Variants in CLDN15 observed in about 807,000 individuals in gnomAD.
CLDN15 encodes claudin 15.
In CLDN15, 9 loss-of-function variants were observed where a neutral mutation model predicts 24.5. The observed-to-expected ratio is 0.37, with a 90% CI of 0.22 to 0.64. The LOEUF (loss-of-function observed/expected upper bound fraction) is 0.64. Ranked by LOEUF, CLDN15 falls within the 30% of genes least tolerant of loss-of-function variation. The probability of loss-of-function intolerance (pLI) is 0.63; values close to 1 mark genes in which losing one functional copy is unlikely to be tolerated. For missense variants in CLDN15, 248 were observed against 305.9 expected, an observed-to-expected ratio of 0.81 and a Z score of 1.41; for synonymous variants, 149 against 131.4, an observed-to-expected ratio of 1.13 and a Z score of -0.92.
Position 101,237,465 on chromosome 7 carries a change from G to A in CLDN15, c.117C>T (p.Ile39=). 4 of 1,614,050 alleles carry A rather than the reference G, an allele frequency of 2.5e-6. No homozygotes were observed. The highest frequency in any genetic ancestry group is 3.4e-6 in the Non-Finnish European group (4 of 1,179,894). The part of the protein sequence containing the change: ...WRVSTVHGNV[I]TTNTIFENLW... ...GGTTCTCGAAGATGGTGTTGGTGGT[G>A]ATGACGTTCCCGTGCACAGTGGACA... Residue 39 remains isoleucine (I), a synonymous_variant, in exon 1 of 5, where the codon ATC becomes ATT. Coordinates refer to ENST00000308344, the MANE Select transcript of CLDN15 (RefSeq NM_014343.3). The surrounding 1 kb of genome is among the most constrained non-coding windows in gnomAD (Gnocchi z 4.0).
chr7:101,232,854 T>A lies in CLDN15; in HGVS notation c.443A>T (p.Asp148Val). The A allele has an allele frequency of 6.2e-7, 1 of 1,611,508 alleles. No homozygotes were observed. The highest frequency in any genetic ancestry group is 8.5e-7 in the Non-Finnish European group (1 of 1,179,350). Reference sequence around the variant, plus strand: ...TCACTTGGTTCCGGGGTACAAGGGGTCGAAGAAGTCCCGGGTGATGTTGAA... The same window carrying A: ...TCACTTGGTTCCGGGGTACAAGGGGACGAAGAAGTCCCGGGTGATGTTGAA... ...YAFNITRDFF[D>V]PLYPGTKYEL... Residue 148 changes from aspartate (D) to valine (V), a missense_variant, in exon 3 of 5, where the codon GAC becomes GTC. Physicochemically the swap from Asp to Val is radical, Grantham distance 152 (BLOSUM62 -3). Coordinates refer to ENST00000308344, the MANE Select transcript of CLDN15 (RefSeq NM_014343.3).
chr7:101,232,104 A>C lies in CLDN15; in HGVS notation c.*306T>G. 3 of 255,826 alleles carry C rather than the reference A, an allele frequency of 1.2e-5. No individual in the cohort carries two copies. Among genetic ancestry groups the C allele is most frequent in the East Asian group, 9.4e-5 (1 of 10,658 alleles). 15.8% of individuals were successfully genotyped at this position (255,826 alleles called of 1,614,324 possible). On this transcript the variant is annotated 3_prime_UTR_variant, in exon 5 of 5. Coordinates refer to ENST00000308344, the MANE Select transcript of CLDN15 (RefSeq NM_014343.3). ...CACCTTCAAGCCCTGAACGGTCACA[A>C]TATGCATTTATTAATGAATGTATTT... is the stretch of plus-strand genomic sequence containing the variant.
At position 101,232,329 on chromosome 7, in the gene CLDN15, T is replaced by G. The variant is rs1584264957; in HGVS notation, c.*81A>C. ...AGCGGGGCGTGGCCGGCCCCTGAGG[T>G]TACTATAGGGGAATGGGCCCCGGCC... On this transcript the variant is annotated 3_prime_UTR_variant, in exon 5 of 5. Coordinates refer to ENST00000308344, the MANE Select transcript of CLDN15 (RefSeq NM_014343.3). The G allele has an allele frequency of 1.0e-6, 1 of 996,280 alleles. No individual in the cohort carries two copies. Among genetic ancestry groups the G allele is most frequent in the African/African-American group, 1.6e-5 (1 of 61,038 alleles). 61.7% of individuals were successfully genotyped at this position (996,280 alleles called of 1,614,324 possible). A position where few individuals can be genotyped will look rare whatever the true frequency, so the allele number is the denominator to read the frequency against.
chr7:101,234,510 T>C, intron 1 of CLDN15, 68 bp from the exon 2 acceptor site: 1 of 1,146,716 alleles, frequency 8.7e-7, no homozygotes, highest in East Asian at 2.4e-5. Flanking sequence ...CAACAGCCCC[T>C]CACCATCCCA....
At chr7:101,238,204 G>A (rs1262727581), upstream of CLDN15, 1 of 160,260 alleles carries the variant, frequency 6.2e-6, no homozygotes, top group African/African-American at 2.4e-5. Context: ...GGGCGTATGA[G>A]TCTCTTAAGG....
Position 101,232,391 on chromosome 7 carries a change from G to C in CLDN15, c.*19C>G. The C allele has an allele frequency of 6.4e-7, 1 of 1,565,276 alleles. No homozygotes were observed. Among genetic ancestry groups the C allele is most frequent in the African/African-American group, 1.4e-5 (1 of 73,958 alleles). On this transcript the variant is annotated 3_prime_UTR_variant, in exon 5 of 5. Coordinates refer to ENST00000308344, the MANE Select transcript of CLDN15 (RefSeq NM_014343.3). ...CCTTGGGGCAGTGGGAAGACAGCGG[G>C]GCCCACGGGCCAGAGCTGCTACACG...
At chr7:101,234,861 C>G (rs1798593011) in intron 1 of CLDN15, among the ~76,000 whole-genome samples, 1 of 152,084 alleles carries the variant, frequency 6.6e-6, no homozygotes, top group African/African-American at 2.4e-5. Context: ...CTCCCCACTC[C>G]TCCCATGCAC....
Position 101,234,315 on chromosome 7 carries a change from C to CT in CLDN15, c.344dup (p.Leu116AlafsTer73). 1.2e-6 allele frequency: 2 copies of CT among 1,610,724 alleles called. No individual in the cohort carries two copies. The highest frequency in any genetic ancestry group is 1.7e-6 in the Non-Finnish European group (2 of 1,179,834). On this transcript the variant is annotated frameshift_variant, in exon 2 of 5. Transcript: ENST00000308344. LOFTEE classifies it high-confidence loss of function. ...GGAGGGCCCCTGCGGTGGCCGCCAG[C>CT]TTGGCTTTCCTGGAGAGCTCCAGGC...
chr7:101,237,361 A>T lies in CLDN15; in HGVS notation c.217+4T>A, dbSNP rs1216613642. 6.3e-7 allele frequency: 1 copy of T among 1,596,602 alleles called. No homozygotes were observed. The highest frequency in any genetic ancestry group is 1.1e-5 in the South Asian group (1 of 89,668). ...CTCTCCCTGGAGCGCTCCCCACCCC[A>T]TACCAGAGAGGGCCAGCATGGACGG... On this transcript the variant is annotated splice_donor_region_variant and intron_variant, in intron 1 of 4. Coordinates refer to ENST00000308344, the MANE Select transcript of CLDN15 (RefSeq NM_014343.3). This position sits in a 1 kb window ranked among gnomAD's most constrained non-coding sequence, Gnocchi z 4.0.
chr7:101,232,994 G>A, intron 2 of CLDN15, 80 bp from the exon 3 acceptor site: 3 of 1,003,478 alleles, frequency 3.0e-6, no homozygotes, highest in Non-Finnish European at 4.7e-6. Context: ...GGCAGGCAGG[G>A]GCTGCCCAGA....
chr7:101,233,241 C>CA (rs538259221), intron 2 of CLDN15, among the ~76,000 whole-genome samples: 424 of 152,224 alleles, frequency 2.8e-3, no homozygotes, highest in African/African-American at 9.5e-3. Flanking sequence ...ATCATCTCCT[C>CA]ACCCAGATGG....
rs138919994 is a variant in CLDN15, at chr7:101,234,309, C to T, written c.351G>A (p.Ala117=). The change falls in exon 2 of 5, where the codon GCG becomes GCA. Residue 117 remains alanine (A), a synonymous_variant. Transcript: ENST00000308344. The stretch of plus-strand genomic sequence containing the variant: ...GAATGTGGAGGGCCCCTGCGGTGGC[C>T]GCCAGCTTGGCTTTCCTGGAGAGCT... ...GLELSRKAKL[A]ATAGALHILA... 229 of 1,609,856 alleles carry T rather than the reference C, an allele frequency of 1.4e-4. No homozygotes were observed. Among genetic ancestry groups the T allele is most frequent in the Non-Finnish European group, 1.9e-4 (222 of 1,179,792 alleles).
In CLDN15 at chr7:101,232,431, G is replaced by A. The variant is rs1332153924; in HGVS notation, c.666C>T (p.Tyr222=). ...GCTGCTACACGTAGGCGTTTCTGCC[G>A]TATTTGCCAAAGCTGCTGTCGCCTT... ...DQEGDSSFGK[Y]GRNAYV is the part of the protein sequence containing the mutation. Residue 222 remains tyrosine, a synonymous_variant, in exon 5 of 5, where the codon TAC becomes TAT. Coordinates refer to ENST00000308344, the MANE Select transcript of CLDN15 (RefSeq NM_014343.3). The A allele has an allele frequency of 6.2e-7, 1 of 1,612,896 alleles. No homozygotes were observed. Among genetic ancestry groups the A allele is most frequent in the Non-Finnish European group, 8.5e-7 (1 of 1,179,158 alleles).
chr7:101,237,851 G>GA, upstream of CLDN15: 1 of 495,760 alleles, frequency 2.0e-6, no homozygotes, highest in Non-Finnish European at 3.7e-6. This position sits in a 1 kb window ranked among gnomAD's most constrained non-coding sequence, Gnocchi z 4.0. Context: ...GGGAATAACC[G>GA]AAACGGGCCA....
Position 101,232,113 on chromosome 7 carries a change from T to C in CLDN15, c.*297A>G, listed in dbSNP as rs547542782. On this transcript the variant is annotated 3_prime_UTR_variant, in exon 5 of 5. Transcript: ENST00000308344. ...GCCCTGAACGGTCACAATATGCATTTATTAATGAATGTATTTATACACAAT... is the reference window on the plus strand; with the variant it reads ...GCCCTGAACGGTCACAATATGCATTCATTAATGAATGTATTTATACACAAT... The C allele has an allele frequency of 1.4e-3, 410 of 284,760 alleles. 2 individuals are homozygous for C. Among genetic ancestry groups the C allele is most frequent in the African/African-American group, 8.7e-3 (390 of 45,086 alleles). The allele number at this position is 284,760 out of a possible 1,614,324, so 17.6% of individuals were successfully genotyped here.
At chr7:101,236,425 C>T (rs1461922428) in intron 1 of CLDN15, among the ~76,000 whole-genome samples, 1 of 152,210 alleles carries the variant, frequency 6.6e-6, no homozygotes, top group East Asian at 1.9e-4. Context: ...CGGGGGTGAG[C>T]TCTCAAGCCC....
At position 101,232,324 on chromosome 7, in the gene CLDN15, T is replaced by C. The variant is rs1798516163; in HGVS notation, c.*86A>G. The C allele has an allele frequency of 1.0e-6, 1 of 964,212 alleles. No homozygotes were observed. The allele number at this position is 964,212 out of a possible 1,614,324, so 59.7% of individuals were successfully genotyped here. ...ACGGGAGCGGGGCGTGGCCGGCCCC[T>C]GAGGTTACTATAGGGGAATGGGCCC... On this transcript the variant is annotated 3_prime_UTR_variant, in exon 5 of 5. Coordinates refer to ENST00000308344, the MANE Select transcript of CLDN15 (RefSeq NM_014343.3).
At chr7:101,236,791 T>C in intron 1 of CLDN15, 1 of 1,291,236 alleles carries the variant, frequency 7.7e-7, no homozygotes, top group Non-Finnish European at 1.0e-6. Flanking sequence ...AACCTGCAAC[T>C]TGCAAGACGC....
chr7:101,233,945 C>G (rs1022668635), intron 2 of CLDN15: 2 of 471,920 alleles, frequency 4.2e-6, no homozygotes, highest in South Asian at 1.8e-5. Context: ...TGGACGTGCA[C>G]TGTGTGTGTG....
Sources: gnomAD v4.1 joint callset for allele counts (sites outside exome capture counted in the v4.1 genomes callset) on GRCh38, gnomAD v4.1.1 for gene constraint, Gnocchi (gnomAD v3.1) non-coding constraint, MANE v1.5 for transcripts, NCBI Gene and HGNC (gene_info 2026-07-23, HGNC 2026-07-21) for gene names.